The following MSRA variants were observed in gnomAD, a reference collection of about 807,000 sequenced individuals.
MSRA encodes methionine sulfoxide reductase A, also known as mitochondrial peptide methionine sulfoxide reductase.
In MSRA, 54 loss-of-function variants were observed where a neutral mutation model predicts 31.3. The ratio of observed to expected loss-of-function variants is 1.73; its 90% CI spans 1.39 to 2.17. The LOEUF (loss-of-function observed/expected upper bound fraction) is 2.17. Among genes scored for constraint, MSRA ranks in the 30% most tolerant of loss-of-function variants. The pLI is 0.00. For missense variants in MSRA, 507 were observed against 300.9 expected (o/e 1.69, Z -5.07); for synonymous variants, 169 against 116.5 (o/e 1.45, Z -2.90).
chr8:10,108,057 A>G (rs1230040748), intron 1 of MSRA, among the ~76,000 whole-genome samples: 2 of 152,050 alleles, frequency 1.3e-5, no homozygotes, highest in East Asian at 3.9e-4. Context: ...TGTCTTCTTG[A>G]TAATATACTT....
chr8:10,318,510 G>C (rs1801854751), intron 4 of MSRA, among the ~76,000 whole-genome samples: 1 of 152,134 alleles, frequency 6.6e-6, no homozygotes, highest in Non-Finnish European at 1.5e-5. Flanking sequence ...ATATTTATTT[G>C]CAGAAAGAGG....
chr8:10,138,353 G>A (rs1802446663), intron 1 of MSRA, among the ~76,000 whole-genome samples: 1 of 152,182 alleles, frequency 6.6e-6, no homozygotes, highest in Non-Finnish European at 1.5e-5. Context: ...CGGTGTGGAT[G>A]TCACAGTGAA....
At chr8:10,202,506 A>G (rs956065357) in intron 1 of MSRA, among the ~76,000 whole-genome samples, 6 of 152,236 alleles carry the variant, frequency 3.9e-5, no homozygotes, top group South Asian at 2.1e-4. Context: ...TAAACCAGCA[A>G]TGGCAAAATG....
At chr8:10,124,389 G>T (rs1007545493) in intron 1 of MSRA, among the ~76,000 whole-genome samples, 13 of 152,116 alleles carry the variant, frequency 8.5e-5, no homozygotes, top group African/African-American at 2.9e-4. Context: ...GATTTCTTTG[G>T]GGCAAACCAG....
chr8:10,359,485 GT>G (rs1487366868), intron 5 of MSRA, among the ~76,000 whole-genome samples: 1 of 152,098 alleles, frequency 6.6e-6, no homozygotes, highest in Non-Finnish European at 1.5e-5. Context: ...ATATTTTATA[GT>G]TTTTTGGTCC....
intron 5 of MSRA, among the ~76,000 whole-genome samples, chr8:10,358,432 A>G (rs895828735): frequency 2.0e-5 from 3 of 151,974 alleles, no homozygotes; most frequent in Admixed American, 2.0e-4. Flanking sequence ...GCATTATCAG[A>G]TCATATAACC....
At chr8:10,254,022 C>G (rs1335916409) in intron 3 of MSRA, among the ~76,000 whole-genome samples, 1 of 152,066 alleles carries the variant, frequency 6.6e-6, no homozygotes, top group Non-Finnish European at 1.5e-5. Flanking sequence ...TTCCTGGGGC[C>G]GTGCCTCCGA....
At chr8:10,266,592 A>C (rs991648658) in intron 3 of MSRA, among the ~76,000 whole-genome samples, 1 of 151,872 alleles carries the variant, frequency 6.6e-6, no homozygotes, top group East Asian at 1.9e-4. Context: ...AATTTTGATG[A>C]GATCCAGTCT....
At position 10,259,903 on chromosome 8, in the gene MSRA, C is replaced by G. The variant is rs561326870; in HGVS notation, c.331+14680C>G. ...TCGGGCTCTGCCCGCCTCACCCCCTCTGTAGGCTCTCCCTGGTGGGTGTTC... is the reference window on the plus strand; with the variant it reads ...TCGGGCTCTGCCCGCCTCACCCCCTGTGTAGGCTCTCCCTGGTGGGTGTTC... On this transcript the variant is annotated intron_variant, in intron 3 of 5. Coordinates refer to ENST00000317173, the MANE Select transcript of MSRA (RefSeq NM_012331.5). 3.4e-3 allele frequency among the ~76,000 whole-genome samples: 513 copies of G among 152,330 alleles called. 4 individuals carry two copies. Among genetic ancestry groups the G allele is most frequent in the African/African-American group, 0.01 (433 of 41,588 alleles).
At chr8:10,078,184 C>G (rs1470960466) in intron 1 of MSRA, among the ~76,000 whole-genome samples, 3 of 152,206 alleles carry the variant, frequency 2.0e-5, no homozygotes, top group Non-Finnish European at 4.4e-5. Flanking sequence ...ATAAAGATGT[C>G]TCTGCAGTTC....
At chr8:10,291,373 G>C (rs1388042261) in intron 3 of MSRA, among the ~76,000 whole-genome samples, 2 of 151,614 alleles carry the variant, frequency 1.3e-5, no homozygotes, top group Admixed American at 6.6e-5. Flanking sequence ...GCTTTTTAAA[G>C]CTTATGTTTC....
chr8:10,188,349 T>A (rs576021264), intron 1 of MSRA, among the ~76,000 whole-genome samples: 1 of 152,246 alleles, frequency 6.6e-6, no homozygotes, highest in East Asian at 1.9e-4. Flanking sequence ...AGAAACTTCC[T>A]CATGTTATCG....
At chr8:10,190,238 G>A (rs1212955315) in intron 1 of MSRA, among the ~76,000 whole-genome samples, 1 of 152,104 alleles carries the variant, frequency 6.6e-6, no homozygotes, top group Admixed American at 6.6e-5. Context: ...CCCCAGTCAT[G>A]GCCCCAGAAC....
chr8:10,254,182 G>A (rs370220775), intron 3 of MSRA, among the ~76,000 whole-genome samples: 8 of 152,294 alleles, frequency 5.3e-5, no homozygotes, highest in South Asian at 2.1e-4. Flanking sequence ...TAATTTCAGC[G>A]TCTTCGTTCT....
At chr8:10,268,717 A>G (rs1475844933) in intron 3 of MSRA, among the ~76,000 whole-genome samples, 1 of 152,250 alleles carries the variant, frequency 6.6e-6, no homozygotes, top group Non-Finnish European at 1.5e-5. Context: ...GGATTTGAAT[A>G]TGGGCCTGTG....
At chr8:10,350,545 C>G (rs559807467) in intron 5 of MSRA, among the ~76,000 whole-genome samples, 1 of 152,214 alleles carries the variant, frequency 6.6e-6, no homozygotes, top group South Asian at 2.1e-4. Flanking sequence ...GAGTCCAGGA[C>G]GACCATCGAT....
At chr8:10,138,625 ATTAAG>A (rs1246898627) in intron 1 of MSRA, among the ~76,000 whole-genome samples, 1 of 152,198 alleles carries the variant, frequency 6.6e-6, no homozygotes, top group Non-Finnish European at 1.5e-5. Context: ...ATGGGACTAA[ATTAAG>A]TTATTTGCAT....
rs544598480 is a variant in MSRA, at chr8:10,396,793, T to G, written c.544-31355T>G. On this transcript the variant is annotated intron_variant, in intron 5 of 5. Transcript: ENST00000317173. ...CTCAAGATTGTTAAGTGAATGAAATTGCCCAAGCCCAGTAAAGCCGATGGT... is the reference window on the plus strand; with the variant it reads ...CTCAAGATTGTTAAGTGAATGAAATGGCCCAAGCCCAGTAAAGCCGATGGT... Among the ~76,000 whole-genome samples, 200 of 152,326 alleles carry G rather than the reference T, an allele frequency of 1.3e-3. 1 individual carries two copies. Among genetic ancestry groups the G allele is most frequent in the African/African-American group, 4.7e-3 (196 of 41,570 alleles).
At chr8:10,208,028 G>C (rs1309048859) in intron 2 of MSRA, 127 bp downstream of exon 2, 1 of 659,890 alleles carries the variant, frequency 1.5e-6, no homozygotes, top group Non-Finnish European at 2.5e-6. Context: ...AGTTGTTACA[G>C]CCAAGAAAAC....
Sources: allele counts gnomAD v4.1 joint callset (sites outside exome capture counted in the v4.1 genomes callset), GRCh38; gene constraint gnomAD v4.1.1; transcripts MANE v1.5; gene names NCBI Gene and HGNC (gene_info 2026-07-23, HGNC 2026-07-21).